ACACA: variants seen among roughly 807,000 people sequenced by gnomAD.
ACACA encodes acetyl-CoA carboxylase 1.
ACACA carries 103 observed loss-of-function variants against 296.1 expected under a neutral mutation model. That is an observed-to-expected ratio of 0.35 (90% CI 0.30 to 0.41). The LOEUF (loss-of-function observed/expected upper bound fraction) is 0.41, where lower values mean the gene tolerates loss of function less well. ACACA is among the 10% of genes least tolerant of loss of function. The pLI, the probability that ACACA is intolerant of heterozygous loss-of-function variation, is 1.00. For synonymous variants in ACACA, 953 were observed against 1,038.6 expected, an observed-to-expected ratio of 0.92 and a Z score of 1.58; for missense variants, 1,554 against 2,989.7, an observed-to-expected ratio of 0.52 and a Z score of 11.20.
intron 19 of ACACA, among the ~76,000 whole-genome samples, chr17:37,246,271 C>T (rs975854180): frequency 6.6e-6 from 1 of 152,166 alleles, no homozygotes; most frequent in Non-Finnish European, 1.5e-5. Flanking sequence ...GTTAGGACAC[C>T]TAACATTCAA....
At chr17:37,173,997 TATATATATATA>T (rs2076990752) in intron 41 of ACACA, among the ~76,000 whole-genome samples, 31 of 11,622 alleles carry the variant, frequency 2.7e-3, no homozygotes, top group Non-Finnish European at 4.6e-3. Context: ...TATATATATA[TATATATATATA>T]TATATATATA....
intron 41 of ACACA, chr17:37,162,594 A>G: frequency 3.8e-6 from 1 of 260,086 alleles, no homozygotes; most frequent in Non-Finnish European, 7.5e-6. Context: ...TTGTGGGTGA[A>G]AGCAAGCATG....
At chr17:37,377,922 C>A (rs2050079388) in intron 1 of ACACA, 1 of 1,613,540 alleles carries the variant, frequency 6.2e-7, no homozygotes, top group African/African-American at 1.3e-5. Context: ...TGCCTGGGAT[C>A]TTCCCAAAAG....
intron 54 of ACACA, among the ~76,000 whole-genome samples, chr17:37,095,806 A>G (rs2072951534): frequency 6.6e-6 from 1 of 152,254 alleles, no homozygotes; most frequent in East Asian, 1.9e-4. Context: ...GTAAAAATAA[A>G]CAGAAATAAA....
rs1555565429 is a variant in ACACA at position 37,151,968 on chromosome 17, G to GT, written c.5448-548dup. On this transcript the variant is annotated intron_variant, in intron 43 of 55. Coordinates refer to ENST00000616317, the MANE Select transcript of ACACA (RefSeq NM_198834.3). ...AGCCACCGCGCCCGGCCTAATTTTTGTTTTTTTTAGTAGAGACGGGGTTTC... is the reference window on the plus strand; with the variant it reads ...AGCCACCGCGCCCGGCCTAATTTTTGTTTTTTTTTAGTAGAGACGGGGTTTC... Among the ~76,000 whole-genome samples the GT allele has an allele frequency of 8.7e-4, 127 of 145,660 alleles. 1 individual carries two copies. Among genetic ancestry groups the GT allele is most frequent in the Middle Eastern group, 3.6e-3 (1 of 276 alleles).
intron 1 of ACACA, among the ~76,000 whole-genome samples, chr17:37,383,276 C>G (rs1284640807): frequency 6.6e-6 from 1 of 151,896 alleles, no homozygotes; most frequent in Non-Finnish European, 1.5e-5. Flanking sequence ...GAAATTGGGA[C>G]AAGGAAAACT....
intron 1 of ACACA, among the ~76,000 whole-genome samples, chr17:37,340,474 T>C (rs1223095833): frequency 1.3e-5 from 2 of 152,220 alleles, no homozygotes; most frequent in Non-Finnish European, 2.9e-5. Context: ...CCACCCTAGA[T>C]CTGCTGAATC....
chr17:37,318,464 C>T lies in ACACA; in HGVS notation c.338+11709G>A, dbSNP rs138660195. 5.8e-4 allele frequency among the ~76,000 whole-genome samples: 88 copies of T among 152,332 alleles called. 1 individual carries two copies. Among genetic ancestry groups the T allele is most frequent in the African/African-American group, 2.0e-3 (85 of 41,572 alleles). ...CCATGTTGGCCAGGCTGGTTTTGAA[C>T]TCCTCACCTCAGGAGATCCACCTGC... On this transcript the variant is annotated intron_variant, in intron 3 of 55. Transcript: ENST00000616317.
chr17:37,250,035 C>T (rs755994209), intron 16 of ACACA, among the ~76,000 whole-genome samples: 3 of 152,178 alleles, frequency 2.0e-5, no homozygotes, highest in Non-Finnish European at 2.9e-5. Flanking sequence ...CTTCCTTTGC[C>T]TTCCGCCATG....
chr17:37,349,896 T>A, intron 1 of ACACA, among the ~76,000 whole-genome samples: 1 of 152,116 alleles, frequency 6.6e-6, no homozygotes, highest in East Asian at 1.9e-4. Flanking sequence ...GAAAAGTATC[T>A]TTACAATGGA....
intron 9 of ACACA, among the ~76,000 whole-genome samples, chr17:37,271,511 A>C (rs1391602515): frequency 1.4e-4 from 22 of 152,064 alleles, no homozygotes; most frequent in Admixed American, 1.4e-3. Flanking sequence ...GCGAAACTCC[A>C]TCTCAAAAAA....
chr17:37,379,573 A>T (rs2050154656), intron 1 of ACACA, among the ~76,000 whole-genome samples: 1 of 152,174 alleles, frequency 6.6e-6, no homozygotes, highest in South Asian at 2.1e-4. Context: ...TTGTCAGATG[A>T]GTAGGTTGCG....
chr17:37,314,992 CTT>C (rs1173348436), intron 3 of ACACA, among the ~76,000 whole-genome samples: 1 of 108,496 alleles, frequency 9.2e-6, no homozygotes, highest in Non-Finnish European at 1.7e-5. Flanking sequence ...GAGTTTCGCT[CTT>C]GTTGCCCAGG....
intron 52 of ACACA, among the ~76,000 whole-genome samples, chr17:37,104,221 TAGGTGAAAGAGGGTG>T (rs1182631104): frequency 1.3e-5 from 2 of 152,218 alleles, no homozygotes. Flanking sequence ...AAGTTTGGCT[TAGGTGAAAGAGGGTG>T]ACCTTGTCTC....
chr17:37,374,691 T>G (rs1177836224), intron 1 of ACACA, among the ~76,000 whole-genome samples: 1 of 152,116 alleles, frequency 6.6e-6, no homozygotes, highest in East Asian at 1.9e-4. Flanking sequence ...TCAACAACAG[T>G]TATCTGTCTA....
In ACACA at chr17:37,093,247, G is replaced by A. The variant is rs575062824; in HGVS notation, c.6891+3749C>T. 3.3e-5 allele frequency among the ~76,000 whole-genome samples: 5 copies of A among 152,312 alleles called. No homozygotes were observed. The East Asian group carries it at 7.7e-4, about 24-fold the overall frequency. ...AGCATTCATTTCACTTGGAAATCCA[G>A]AATAAGAGCGAGTGGGTAGCTGTGT... On this transcript the variant is annotated intron_variant, in intron 54 of 55. Coordinates refer to ENST00000616317, the MANE Select transcript of ACACA (RefSeq NM_198834.3).
chr17:37,160,248 A>G (rs933033009), intron 42 of ACACA, among the ~76,000 whole-genome samples: 2 of 152,222 alleles, frequency 1.3e-5, no homozygotes, highest in Non-Finnish European at 2.9e-5. Context: ...AAAGAGCAGG[A>G]GGAAGTGTTG....
In ACACA at chr17:37,331,141, G is replaced by A. The variant is rs183787482; in HGVS notation, c.86-716C>T. ...TTTATTTATTTATTTATTTAGAGACGGAGTCTCGCTCTGTTGCCCAGGCTG... is the reference window on the plus strand; with the variant it reads ...TTTATTTATTTATTTATTTAGAGACAGAGTCTCGCTCTGTTGCCCAGGCTG... On this transcript the variant is annotated intron_variant, in intron 2 of 55. Transcript: ENST00000616317. Among the ~76,000 whole-genome samples, 35 of 146,478 alleles carry A rather than the reference G, an allele frequency of 2.4e-4. No individual in the cohort carries two copies. In the East Asian group the frequency reaches 5.1e-3, roughly 21 times the overall value.
In ACACA at chr17:37,207,722, T is replaced by A; in HGVS notation, c.3786A>T (p.Ser1262=). The A allele has an allele frequency of 6.2e-7, 1 of 1,614,048 alleles. No individual in the cohort carries two copies. Among genetic ancestry groups the A allele is most frequent in the Non-Finnish European group, 8.5e-7 (1 of 1,179,944 alleles). The part of the protein sequence containing the change: ...ASVSDVLLDN[S]FTPPCQRMGG... ...CCATCCGCTGACAAGGTGGAGTGAA[T>A]GAGTTGTCCAACAGTACATCGCTGA... Residue 1262 remains serine (S), a synonymous_variant, in exon 31 of 56, where the codon TCA becomes TCT. Transcript: ENST00000616317.
Sources: gnomAD v4.1 joint callset for allele counts (sites outside exome capture counted in the v4.1 genomes callset) on GRCh38, gnomAD v4.1.1 for gene constraint, MANE v1.5 for transcripts, NCBI Gene and HGNC (gene_info 2026-07-23, HGNC 2026-07-21) for gene names.